The following SORCS3 variants were observed in gnomAD, a reference collection of about 807,000 sequenced individuals.
SORCS3 encodes the protein VPS10 domain-containing receptor SorCS3.
A neutral mutation model predicts 146.3 loss-of-function variants in SORCS3; 57 were observed. The ratio of observed to expected loss-of-function variants is 0.39; its 90% CI spans 0.31 to 0.49. The LOEUF (loss-of-function observed/expected upper bound fraction) is 0.49. SORCS3 is among the 20% of genes least tolerant of loss of function. SORCS3 has a pLI of 0.92. For synonymous variants in SORCS3, 653 were observed against 618.5 expected (o/e 1.06, Z -0.83); for missense variants, 1,341 against 1,575.5 (o/e 0.85, Z 2.52).
At chr10:104,749,471 A>G (rs1485868138) in intron 1 of SORCS3, among the ~76,000 whole-genome samples, 1 of 152,098 alleles carries the variant, frequency 6.6e-6, no homozygotes, top group African/African-American at 2.4e-5. Flanking sequence ...CAAGTGTTCA[A>G]TATAAAGGGT....
chr10:104,856,765 CATATA>C (rs1462559070), intron 2 of SORCS3, among the ~76,000 whole-genome samples: 1 of 141,400 alleles, frequency 7.1e-6, no homozygotes, highest in African/African-American at 2.6e-5. Flanking sequence ...ATATAATATA[CATATA>C]ATATATAAAA....
At chr10:104,938,560 C>T (rs946216512) in intron 3 of SORCS3, among the ~76,000 whole-genome samples, 2 of 83,596 alleles carry the variant, frequency 2.4e-5, no homozygotes, top group African/African-American at 1.9e-4. Context: ...AAATGATCCT[C>T]CCTAACTTTT....
intron 3 of SORCS3, among the ~76,000 whole-genome samples, chr10:104,935,437 C>T (rs977592712): frequency 8.5e-5 from 13 of 152,160 alleles, no homozygotes; most frequent in Non-Finnish European, 1.3e-4. Flanking sequence ...TGTTTAAATA[C>T]ATCTAGGGTG....
chr10:104,757,514 G>A lies in SORCS3; in HGVS notation c.628-85278G>A, dbSNP rs530217932. 7.9e-5 allele frequency among the ~76,000 whole-genome samples: 12 copies of A among 152,284 alleles called. No individual in the cohort carries two copies. The East Asian group carries it at 1.7e-3, about 22-fold the overall frequency. ...CAGTTTCCAGCTGCTTTTGCGTTTC[G>A]AGGTGTTACTGTGAATTTTGCGCTT... On this transcript the variant is annotated intron_variant, in intron 1 of 26. Transcript: ENST00000369701.
At chr10:104,655,594 G>A (rs887189422) in intron 1 of SORCS3, among the ~76,000 whole-genome samples, 71 of 152,160 alleles carry the variant, frequency 4.7e-4, no homozygotes, top group African/African-American at 1.6e-3. Context: ...CTGTGTTCTT[G>A]CCCAAATCTC....
chr10:105,085,374 T>G (rs1406746898), intron 5 of SORCS3, among the ~76,000 whole-genome samples: 1 of 152,172 alleles, frequency 6.6e-6, no homozygotes, highest in African/African-American at 2.4e-5. Context: ...GCAGCCAAGT[T>G]ATTTTACTAT....
intron 19 of SORCS3, among the ~76,000 whole-genome samples, chr10:105,222,818 T>A (rs149773298): frequency 3.9e-5 from 6 of 152,330 alleles, no homozygotes; most frequent in Admixed American, 2.0e-4. Flanking sequence ...ATTGGCTAAG[T>A]GTCTAGTAAA....
intron 18 of SORCS3, 137 bp from the exon 19 acceptor site, chr10:105,216,799 A>C: frequency 1.3e-6 from 1 of 768,014 alleles, no homozygotes; most frequent in Admixed American, 2.2e-5. Flanking sequence ...GAGTGTGATC[A>C]TTGTGTTGCA....
chr10:105,213,202 T>A lies in SORCS3; in HGVS notation c.2376-1240T>A, dbSNP rs79814684. 3.2e-3 allele frequency among the ~76,000 whole-genome samples: 488 copies of A among 152,314 alleles called. 2 individuals are homozygous for A. The highest frequency in any genetic ancestry group is 0.011 in the African/African-American group (467 of 41,582). On this transcript the variant is annotated intron_variant, in intron 17 of 26. Transcript: ENST00000369701. Reference sequence around the variant, plus strand: ...ATATGCAAGAAAATATATCATAATTTGATCTGAGACAGTAATGACATACAA... The same window carrying A: ...ATATGCAAGAAAATATATCATAATTAGATCTGAGACAGTAATGACATACAA...
intron 4 of SORCS3, among the ~76,000 whole-genome samples, chr10:104,995,305 G>C (rs1476694009): frequency 1.3e-5 from 2 of 151,744 alleles, no homozygotes; most frequent in Non-Finnish European, 2.9e-5. Flanking sequence ...GATCACAGGT[G>C]CACGCCACCA....
chr10:104,897,169 A>G (rs959219559), intron 2 of SORCS3, among the ~76,000 whole-genome samples: 2 of 152,194 alleles, frequency 1.3e-5, no homozygotes, highest in African/African-American at 4.8e-5. Flanking sequence ...GCTTTGGGAG[A>G]CAGGGATTTA....
intron 25 of SORCS3, among the ~76,000 whole-genome samples, 197 bp from the exon 26 acceptor site, chr10:105,262,134 C>A (rs1218747165): frequency 2.0e-5 from 3 of 152,132 alleles, no homozygotes; most frequent in African/African-American, 7.2e-5. Flanking sequence ...TACATCTTCC[C>A]TGGGCATCTG....
intron 1 of SORCS3, among the ~76,000 whole-genome samples, chr10:104,736,070 C>T (rs1404714085): frequency 1.3e-5 from 2 of 152,250 alleles, no homozygotes; most frequent in African/African-American, 4.8e-5. Flanking sequence ...TGGTGTTAAA[C>T]AGCTGTCATA....
chr10:104,923,542 T>C (rs2019109269), intron 3 of SORCS3, among the ~76,000 whole-genome samples: 1 of 152,192 alleles, frequency 6.6e-6, no homozygotes. Context: ...CATGAGCCAA[T>C]GCAACTTCAT....
At chr10:104,729,634 G>A (rs1439813685) in intron 1 of SORCS3, among the ~76,000 whole-genome samples, 2 of 152,194 alleles carry the variant, frequency 1.3e-5, no homozygotes, top group African/African-American at 4.8e-5. Context: ...TAAAACAACT[G>A]CACAAATGTG....
rs549615429 is a variant in SORCS3, at chr10:104,925,978, A to G, written c.795+10046A>G. On this transcript the variant is annotated intron_variant, in intron 3 of 26. Coordinates refer to ENST00000369701, the MANE Select transcript of SORCS3 (RefSeq NM_014978.3). ...ATTTTGTTTGAAAGAAATGAGCTAC[A>G]GAAACAGAAAGATTGTTACTACTGG... is the stretch of plus-strand genomic sequence containing the variant. Among the ~76,000 whole-genome samples, 14 of 152,376 alleles carry G rather than the reference A, an allele frequency of 9.2e-5. No homozygotes were observed. The South Asian group carries it at 1.7e-3, about 18-fold the overall frequency.
intron 7 of SORCS3, among the ~76,000 whole-genome samples, chr10:105,123,142 A>G (rs1222257284): frequency 6.6e-6 from 1 of 152,260 alleles, no homozygotes; most frequent in Non-Finnish European, 1.5e-5. Flanking sequence ...AGAGATCTAT[A>G]TTAAAGAGGG....
chr10:104,811,660 A>G (rs1322406093), intron 1 of SORCS3, among the ~76,000 whole-genome samples: 1 of 152,218 alleles, frequency 6.6e-6, no homozygotes, highest in East Asian at 1.9e-4. Flanking sequence ...GGAGTAAGCC[A>G]AGAGCAGCAT....
intron 5 of SORCS3, among the ~76,000 whole-genome samples, chr10:105,065,847 T>G (rs556125118): frequency 6.6e-6 from 1 of 152,296 alleles, no homozygotes; most frequent in East Asian, 1.9e-4. Flanking sequence ...TATTTGATGT[T>G]TGTTCTTTCC....
Sources: allele counts gnomAD v4.1 joint callset (sites outside exome capture counted in the v4.1 genomes callset), GRCh38; gene constraint gnomAD v4.1.1; transcripts MANE v1.5; gene names NCBI Gene and HGNC (gene_info 2026-07-23, HGNC 2026-07-21).